The following GBF1 variants were observed in gnomAD, a reference collection of about 807,000 sequenced individuals.
GBF1 encodes golgi brefeldin A resistant guanine nucleotide exchange factor 1, also known as Golgi-specific brefeldin A-resistance guanine nucleotide exchange factor 1.
GBF1 carries 114 observed loss-of-function variants against 210.5 expected under a neutral mutation model. The ratio of observed to expected loss-of-function variants is 0.54; its 90% CI spans 0.47 to 0.63. GBF1 has a LOEUF of 0.63. Ranked by LOEUF, GBF1 falls within the 30% of genes least tolerant of loss-of-function variation. The pLI, the probability that GBF1 is intolerant of heterozygous loss-of-function variation, is 0.00. For synonymous variants in GBF1, 850 were observed against 889.2 expected (o/e 0.96, Z 0.78); for missense variants, 1,851 against 2,357.7 (o/e 0.79, Z 4.45).
rs1356239999 is a variant in GBF1 at position 102,359,396 on chromosome 10, C to T, written c.1141C>T (p.Pro381Ser). The change falls in exon 11 of 40, where the codon CCC (proline) becomes TCC (serine). Residue 381 changes from proline (P) to serine (S), a missense_variant. Around this residue, in one of 3 missense-constraint regions of GBF1, gnomAD observed 804 missense variants for 958.6 expected, o/e 0.84. Transcript: ENST00000369983. The part of the protein sequence containing the change: ...ASVHDMDYVN[P>S]RGVRFTQSSQ... ...TGTCCATGACATGGATTACGTCAAT[C>T]CCCGGGGCGTGCGCTTTACACAGTC... is the stretch of plus-strand genomic sequence containing the variant. 1 of 1,613,740 alleles carries T rather than the reference C, an allele frequency of 6.2e-7. No individual in the cohort carries two copies.
chr10:102,304,852 A>T (rs1031813039), intron 3 of GBF1, among the ~76,000 whole-genome samples: 2 of 152,054 alleles, frequency 1.3e-5, no homozygotes, highest in Non-Finnish European at 2.9e-5. Flanking sequence ...GTAAATTTTT[A>T]AAATTTTATA....
At chr10:102,329,572 T>G (rs1361908839) in intron 3 of GBF1, among the ~76,000 whole-genome samples, 1 of 152,074 alleles carries the variant, frequency 6.6e-6, no homozygotes, top group Non-Finnish European at 1.5e-5. Context: ...CACTCCATTC[T>G]CCTGCCTCAG....
At chr10:102,330,797 A>G (rs2057282437) in intron 3 of GBF1, among the ~76,000 whole-genome samples, 1 of 152,236 alleles carries the variant, frequency 6.6e-6, no homozygotes, top group Admixed American at 6.5e-5. Context: ...GGTAGATAGC[A>G]GCTCCTAGCA....
chr10:102,380,053 G>A, intron 36 of GBF1, 99 bp downstream of exon 36: 1 of 836,928 alleles, frequency 1.2e-6, no homozygotes, highest in Non-Finnish European at 2.0e-6. Context: ...TGCACTGTAG[G>A]TGCTCACAAC....
At chr10:102,346,174 G>C (rs1421100334) in intron 4 of GBF1, among the ~76,000 whole-genome samples, 1 of 151,986 alleles carries the variant, frequency 6.6e-6, no homozygotes, top group African/African-American at 2.4e-5. Flanking sequence ...GTAGAGACAG[G>C]GTTTCACCAT....
At chr10:102,321,356 A>G (rs532974111) in intron 3 of GBF1, among the ~76,000 whole-genome samples, 1 of 152,060 alleles carries the variant, frequency 6.6e-6, no homozygotes, top group Non-Finnish European at 1.5e-5. Flanking sequence ...ATTAATTTGC[A>G]TCTTTCTTTA....
At chr10:102,322,195 A>G (rs1416918639) in intron 3 of GBF1, among the ~76,000 whole-genome samples, 2 of 152,230 alleles carry the variant, frequency 1.3e-5, no homozygotes, top group Non-Finnish European at 2.9e-5. Flanking sequence ...TATTCTGGCT[A>G]TCTTCATCTG....
At chr10:102,298,169 G>A (rs755960256) in intron 3 of GBF1, among the ~76,000 whole-genome samples, 3 of 152,020 alleles carry the variant, frequency 2.0e-5, no homozygotes, top group Non-Finnish European at 4.4e-5. Flanking sequence ...TCCTGACCTC[G>A]TGATCCCCCC....
intron 33 of GBF1, 129 bp from the exon 34 acceptor site, chr10:102,379,155 G>C (rs1424016275): frequency 1.6e-5 from 12 of 770,038 alleles, no homozygotes; most frequent in Non-Finnish European, 2.5e-5. Flanking sequence ...GAGTAGCGAG[G>C]GGGTGAGGTA....
In GBF1 at chr10:102,360,259, A is replaced by G; in HGVS notation, c.1256A>G (p.His419Arg). The change falls in exon 12 of 40, where the codon CAC becomes CGC. Residue 419 changes from histidine (H) to arginine (R), a missense_variant. Coordinates refer to ENST00000369983, the MANE Select transcript of GBF1 (RefSeq NM_001377137.1). ...TTCCTCATCTCCCTCACCAATCCACACGACCGCCATAACTCAGAGGTTATG... is the reference window on the plus strand; with the variant it reads ...TTCCTCATCTCCCTCACCAATCCACGCGACCGCCATAACTCAGAGGTTATG... Reference protein sequence around the residue: ...FRFLISLTNPHDRHNSEVMIH... With the variant: ...FRFLISLTNPRDRHNSEVMIH... 1.2e-6 allele frequency: 2 copies of G among 1,613,514 alleles called. No individual in the cohort carries two copies. Among genetic ancestry groups the G allele is most frequent in the Non-Finnish European group, 1.7e-6 (2 of 1,179,652 alleles).
chr10:102,358,083 G>A lies in GBF1; in HGVS notation c.684G>A (p.Lys228=). The A allele has an allele frequency of 6.2e-7, 1 of 1,609,804 alleles. No homozygotes were observed. Among genetic ancestry groups the A allele is most frequent in the African/African-American group, 1.3e-5 (1 of 74,940 alleles). The change falls in exon 9 of 40, where the codon AAG becomes AAA. Residue 228 remains lysine (K), a synonymous_variant. Coordinates refer to ENST00000369983, the MANE Select transcript of GBF1 (RefSeq NM_001377137.1). ...GCATGAGTGATTCATCCAAATGGAA[G>A]AAACAGAAGAGATCCCCTCGGCCCC... is the stretch of plus-strand genomic sequence containing the variant. ...AGGMSDSSKW[K]KQKRSPRPPR...
rs768642190 is a variant in GBF1 at position 102,379,407 on chromosome 10, G to A, written c.4618G>A (p.Ala1540Thr). The change falls in exon 34 of 40, where the codon GCC becomes ACC. Residue 1540 changes from alanine to threonine, a missense_variant. Coordinates refer to ENST00000369983, the MANE Select transcript of GBF1 (RefSeq NM_001377137.1). ...KIEADSRTLWAHCWCPLLQGI... is the reference protein window; with the variant it reads ...KIEADSRTLWTHCWCPLLQGI... ...TGAAGCTGATTCTCGCACCCTCTGG[G>A]CCCACTGCTGGTGCCCTTTACTGCA... 36 of 1,614,138 alleles carry A rather than the reference G, an allele frequency of 2.2e-5. No individual in the cohort carries two copies. The highest frequency in any genetic ancestry group is 3.1e-5 in the Non-Finnish European group (36 of 1,180,030).
At position 102,375,348 on chromosome 10, in the gene GBF1, C is replaced by T. The variant is rs763883270; in HGVS notation, c.3661-11C>T. 3 of 1,553,148 alleles carry T rather than the reference C, an allele frequency of 1.9e-6. No individual in the cohort carries two copies. The South Asian group carries it at 3.3e-5, about 17-fold the overall frequency. On this transcript the variant is annotated splice_polypyrimidine_tract_variant and intron_variant, in intron 29 of 39. Transcript: ENST00000369983. ...CCCGCTTCCCCGCTCCCTGCCCTAACCCCACTCCAGGTGCTGCTCTCCCTG... is the reference window on the plus strand; with the variant it reads ...CCCGCTTCCCCGCTCCCTGCCCTAATCCCACTCCAGGTGCTGCTCTCCCTG...
At chr10:102,302,013 G>T (rs1450737240) in intron 3 of GBF1, among the ~76,000 whole-genome samples, 1 of 152,026 alleles carries the variant, frequency 6.6e-6, no homozygotes, top group Non-Finnish European at 1.5e-5. Context: ...CTGCAATCCC[G>T]GCACCTCGGG....
chr10:102,369,108 G>A (rs1052730398), intron 23 of GBF1, 103 bp from the exon 24 acceptor site: 64 of 861,936 alleles, frequency 7.4e-5, no homozygotes, highest in Non-Finnish European at 1.1e-4. Context: ...TTGAAGCAGA[G>A]CCAACAAAAG....
chr10:102,370,220 T>A lies in GBF1; in HGVS notation c.3386T>A (p.Leu1129Gln), dbSNP rs1157829945. The change falls in exon 27 of 40, where the codon CTG becomes CAG. Residue 1129 changes from leucine to glutamine, a missense_variant. By Grantham distance (113) the Leu-to-Gln change is moderately radical (BLOSUM62 -2). Around this residue, in one of 3 missense-constraint regions of GBF1, gnomAD observed 967 missense variants for 1,247.7 expected, o/e 0.78. Transcript: ENST00000369983. ...ATCACAGAAAGCAAGTTCCTCCAGC[T>A]GGAGTCACTACAGGAGCTCATGAAG... ...KMITESKFLQ[L>Q]ESLQELMKAL... The A allele has an allele frequency of 3.1e-6, 5 of 1,612,000 alleles. No individual in the cohort carries two copies. In the Admixed American group the frequency reaches 6.7e-5, roughly 21 times the overall value.
At chr10:102,380,760 C>A in intron 38 of GBF1, 74 bp downstream of exon 38, 2 of 1,283,680 alleles carry the variant, frequency 1.6e-6, no homozygotes, top group Non-Finnish European at 2.2e-6. Context: ...CTAATCCCAG[C>A]ACTTTGAGAG....
chr10:102,370,299 A>G (rs757568853), intron 27 of GBF1, 54 bp downstream of exon 27: 1 of 1,477,096 alleles, frequency 6.8e-7, no homozygotes, highest in Non-Finnish European at 9.5e-7. Flanking sequence ...GGGAGGGGTG[A>G]CAGGGACAGT....
intron 20 of GBF1, 74 bp from the exon 21 acceptor site, chr10:102,367,404 T>A: frequency 8.4e-7 from 1 of 1,187,866 alleles, no homozygotes; most frequent in East Asian, 2.3e-5. Flanking sequence ...TCCTATTTAC[T>A]GAAAACCCAG....
Sources: gnomAD v4.1 joint callset for allele counts (sites outside exome capture counted in the v4.1 genomes callset) on GRCh38, gnomAD v4.1.1 for gene constraint, gnomAD v4.1.1 regional missense constraint, MANE v1.5 for transcripts, NCBI Gene and HGNC (gene_info 2026-07-23, HGNC 2026-07-21) for gene names.